NEDD4L: variants seen among roughly 807,000 people sequenced by gnomAD.
The protein encoded by NEDD4L is E3 ubiquitin-protein ligase NEDD4-like.
NEDD4L carries 54 observed loss-of-function variants against 148.9 expected under a neutral mutation model. That is an observed-to-expected ratio of 0.36 (90% confidence interval 0.29 to 0.45). The LOEUF (loss-of-function observed/expected upper bound fraction) is 0.45, where lower values mean the gene tolerates loss of function less well. NEDD4L is among the 20% of genes least tolerant of loss of function. NEDD4L has a pLI of 1.00. For missense variants in NEDD4L, 856 were observed against 1,233.8 expected (o/e 0.69, Z 4.59); for synonymous variants, 433 against 440.7 (o/e 0.98, Z 0.22).
chr18:58,306,433 T>C (rs954154068), intron 5 of NEDD4L, among the ~76,000 whole-genome samples: 1 of 152,150 alleles, frequency 6.6e-6, no homozygotes, highest in African/African-American at 2.4e-5. Flanking sequence ...GCAAGCATAA[T>C]CCATGAGGGG....
intron 2 of NEDD4L, among the ~76,000 whole-genome samples, chr18:58,207,036 A>G (rs573727279): frequency 1.3e-5 from 2 of 152,304 alleles, no homozygotes; most frequent in African/African-American, 4.8e-5. Flanking sequence ...TAGTTCTCCC[A>G]TCCACTCTTT....
intron 1 of NEDD4L, among the ~76,000 whole-genome samples, chr18:58,055,996 C>T (rs2082071728): frequency 6.6e-6 from 1 of 152,182 alleles, no homozygotes; most frequent in Non-Finnish European, 1.5e-5. Context: ...GATAGCTATG[C>T]ATAGCTATAC....
At chr18:58,278,400 A>G (rs7242102) in intron 5 of NEDD4L, among the ~76,000 whole-genome samples, 11,051 of 152,150 alleles carry the variant, frequency 0.073, 1,294 homozygotes, top group African/African-American at 0.25. Context: ...CCAGCCTCTT[A>G]TTCAGAGGAG....
intron 1 of NEDD4L, among the ~76,000 whole-genome samples, chr18:58,057,342 A>G (rs1316971819): frequency 6.6e-6 from 1 of 151,988 alleles, no homozygotes; most frequent in East Asian, 1.9e-4. Flanking sequence ...AAAGAACAGG[A>G]TGACTACAAT....
In NEDD4L at chr18:58,341,186, C is replaced by T; in HGVS notation, c.1257+17C>T. The stretch of plus-strand genomic sequence containing the variant: ...ATCATGCAGGTACGAAGATTGCCAT[C>T]CAACTTAAAACCGCAGGCCATAGAA... On this transcript the variant is annotated intron_variant, in intron 14 of 30. Coordinates refer to ENST00000400345, the MANE Select transcript of NEDD4L (RefSeq NM_001144967.3). The T allele has an allele frequency of 6.2e-7, 1 of 1,610,850 alleles. No individual in the cohort carries two copies. The highest frequency in any genetic ancestry group is 8.5e-7 in the Non-Finnish European group (1 of 1,178,736).
intron 24 of NEDD4L, among the ~76,000 whole-genome samples, chr18:58,381,776 G>C (rs752587964): frequency 6.6e-6 from 1 of 152,142 alleles, no homozygotes; most frequent in Non-Finnish European, 1.5e-5. Context: ...CACTGTCCAC[G>C]CACCTCTGAG....
chr18:58,051,823 T>C (rs973093072), intron 1 of NEDD4L, among the ~76,000 whole-genome samples: 3 of 152,198 alleles, frequency 2.0e-5, no homozygotes, highest in Non-Finnish European at 1.5e-5. Flanking sequence ...GAATAATATA[T>C]AAATAATATA....
chr18:58,046,644 A>T (rs185830190), intron 1 of NEDD4L: 13 of 152,280 alleles, frequency 8.5e-5, no homozygotes, highest in Admixed American at 8.5e-4. Context: ...AGTCACTACT[A>T]ATCATCATAA....
rs1173676700 is a variant in NEDD4L at position 58,398,883 on chromosome 18, G to C, written c.*2614G>C. On this transcript the variant is annotated 3_prime_UTR_variant, in exon 31 of 31. Coordinates refer to ENST00000400345, the MANE Select transcript of NEDD4L (RefSeq NM_001144967.3). ...ATTCCTTGGGCCCCGACCTGCCCGG[G>C]GAGTAGCCCTGGGGGAGAGAGGGCA... 1 of 152,258 alleles carries C rather than the reference G, an allele frequency of 6.6e-6. No homozygotes were observed. The highest frequency in any genetic ancestry group is 1.9e-4 in the East Asian group (1 of 5,206). 9.4% of individuals were successfully genotyped at this position (152,258 alleles called of 1,614,324 possible).
At chr18:58,183,660 A>G (rs1304803983) in intron 2 of NEDD4L, among the ~76,000 whole-genome samples, 1 of 152,182 alleles carries the variant, frequency 6.6e-6, no homozygotes, top group African/African-American at 2.4e-5. Context: ...TGGGCCTGTA[A>G]ATAGCTTTTT....
chr18:58,069,615 C>A (rs1271371826), intron 1 of NEDD4L, among the ~76,000 whole-genome samples: 1 of 152,142 alleles, frequency 6.6e-6, no homozygotes. Flanking sequence ...AATGCTGTAA[C>A]TGAGTAACAC....
At chr18:58,358,857 G>C (rs1227831126) in intron 19 of NEDD4L, among the ~76,000 whole-genome samples, 3 of 152,062 alleles carry the variant, frequency 2.0e-5, no homozygotes, top group African/African-American at 7.2e-5. Context: ...AAGAGTATGG[G>C]AGGGTTGTGC....
At chr18:58,144,381 T>C (rs1260484116) in intron 1 of NEDD4L, among the ~76,000 whole-genome samples, 1 of 151,800 alleles carries the variant, frequency 6.6e-6, no homozygotes, top group East Asian at 1.9e-4. Flanking sequence ...TCACACACTT[T>C]TAAACAACCA....
chr18:58,179,314 G>C (rs748364234), intron 2 of NEDD4L, among the ~76,000 whole-genome samples: 11 of 152,096 alleles, frequency 7.2e-5, no homozygotes, highest in Non-Finnish European at 1.6e-4. Context: ...TAGTTTCTTG[G>C]CCTGGAATGT....
At chr18:58,140,942 T>C (rs1223355637) in intron 1 of NEDD4L, among the ~76,000 whole-genome samples, 2 of 152,226 alleles carry the variant, frequency 1.3e-5, no homozygotes, top group Non-Finnish European at 2.9e-5. Context: ...AATATGGTTC[T>C]GATAAGAGTG....
intron 6 of NEDD4L, among the ~76,000 whole-genome samples, chr18:58,317,224 C>T (rs569987954): frequency 2.0e-5 from 3 of 152,218 alleles, no homozygotes; most frequent in East Asian, 1.9e-4. Context: ...ACGGGAGGGG[C>T]CTGCCCAGGG....
chr18:58,362,953 G>T (rs563587263), intron 19 of NEDD4L, among the ~76,000 whole-genome samples: 2 of 152,248 alleles, frequency 1.3e-5, no homozygotes, highest in African/African-American at 4.8e-5. Flanking sequence ...GGTTTCATCA[G>T]ACTAAACACT....
At chr18:58,344,869 A>AGT (rs2042850740) in intron 16 of NEDD4L, among the ~76,000 whole-genome samples, 1 of 152,228 alleles carries the variant, frequency 6.6e-6, no homozygotes, top group South Asian at 2.1e-4. Context: ...TAGATGGATT[A>AGT]GTGTAAGGAG....
At chr18:58,227,395 G>A (rs187896981) in intron 2 of NEDD4L, among the ~76,000 whole-genome samples, 29 of 152,290 alleles carry the variant, frequency 1.9e-4, no homozygotes, top group Middle Eastern at 6.8e-3. Flanking sequence ...CCTCCTGATC[G>A]TGATTTTGGT....
Sources: allele counts gnomAD v4.1 joint callset (sites outside exome capture counted in the v4.1 genomes callset), GRCh38; gene constraint gnomAD v4.1.1; transcripts MANE v1.5; gene names NCBI Gene and HGNC (gene_info 2026-07-23, HGNC 2026-07-21).